The following CNTNAP2 variants were observed in gnomAD, a reference collection of about 807,000 sequenced individuals.
The protein encoded by CNTNAP2 is contactin associated protein 2, also known as contactin-associated protein-like 2.
CNTNAP2 carries 98 observed loss-of-function variants against 155.2 expected under a neutral mutation model. That is an observed-to-expected ratio of 0.63 (90% CI 0.54 to 0.75). The LOEUF is 0.75. Among genes scored for constraint, CNTNAP2 ranks in the 30% least tolerant of loss-of-function variants. CNTNAP2 has a pLI of 0.00. For synonymous variants in CNTNAP2, 651 were observed against 631.2 expected (o/e 1.03, Z -0.47); for missense variants, 1,727 against 1,688.1 (o/e 1.02, Z -0.40).
intron 9 of CNTNAP2, among the ~76,000 whole-genome samples, chr7:147,355,791 A>G (rs1422998962): frequency 6.6e-6 from 1 of 152,072 alleles, no homozygotes. Flanking sequence ...TTGAGGCAGT[A>G]ATTAATCTAC....
intron 15 of CNTNAP2, among the ~76,000 whole-genome samples, chr7:147,997,417 C>T (rs535574244): frequency 2.0e-5 from 3 of 151,862 alleles, no homozygotes; most frequent in Admixed American, 2.0e-4. Flanking sequence ...ATTAGCTGGG[C>T]GTGGTGGCAC....
rs184899090 is a variant in CNTNAP2 at position 146,669,626 on chromosome 7, C to T, written c.98-104645C>T. Among the ~76,000 whole-genome samples the T allele has an allele frequency of 2.2e-3, 332 of 152,076 alleles. 3 individuals carry two copies. Among genetic ancestry groups the T allele is most frequent in the African/African-American group, 7.9e-3 (327 of 41,502 alleles). On this transcript the variant is annotated intron_variant, in intron 1 of 23. Coordinates refer to ENST00000361727, the MANE Select transcript of CNTNAP2 (RefSeq NM_014141.6). ...TTGGTAATTTTGGTTTTTGAACATC[C>T]CGTAGATACCTAAAGGACTCCTTTG...
intron 10 of CNTNAP2, among the ~76,000 whole-genome samples, chr7:147,409,407 A>T (rs1455572457): frequency 1.3e-5 from 2 of 152,172 alleles, no homozygotes; most frequent in Non-Finnish European, 2.9e-5. Flanking sequence ...AACTCAAGAT[A>T]GATTAAAGAA....
chr7:147,690,042 C>T (rs1404472180), intron 13 of CNTNAP2, among the ~76,000 whole-genome samples: 1 of 152,098 alleles, frequency 6.6e-6, no homozygotes. Flanking sequence ...TCCAGTCTCC[C>T]TTCCTTCCTT....
intron 3 of CNTNAP2, among the ~76,000 whole-genome samples, chr7:147,004,056 T>C (rs1027923087): frequency 1.4e-4 from 21 of 151,898 alleles, no homozygotes; most frequent in Non-Finnish European, 2.8e-4. Context: ...TTTAACTTTG[T>C]TTTTGCTTGT....
intron 9 of CNTNAP2, among the ~76,000 whole-genome samples, chr7:147,365,401 A>AAAAAAAAAAAG (rs1796213443): frequency 6.6e-6 from 1 of 150,832 alleles, no homozygotes; most frequent in African/African-American, 2.4e-5. Context: ...AAAAAAAAAA[A>AAAAAAAAAAAG]AAAAAAACAA....
At chr7:146,749,790 A>G (rs2129182333) in intron 1 of CNTNAP2, among the ~76,000 whole-genome samples, 1 of 152,300 alleles carries the variant, frequency 6.6e-6, no homozygotes, top group African/African-American at 2.4e-5. Context: ...TTGTAGTATT[A>G]CCACCTCAAT....
intron 1 of CNTNAP2, among the ~76,000 whole-genome samples, chr7:146,483,473 A>T: frequency 6.7e-6 from 1 of 149,910 alleles, no homozygotes; most frequent in Non-Finnish European, 1.5e-5. Flanking sequence ...TTTCTAACAC[A>T]GGTCTTATTT....
chr7:147,132,366 G>A lies in CNTNAP2; in HGVS notation c.1205G>A (p.Arg402Lys). The change falls in exon 8 of 24, where the codon AGG becomes AAG. Residue 402 changes from arginine (R) to lysine (K), a missense_variant. Physicochemically the swap from Arg to Lys is conservative, Grantham distance 26 (BLOSUM62 2). Transcript: ENST00000361727. ...QDLFSVSFQF[R>K]TWNPNGLLVF... is the part of the protein sequence containing the mutation. ...CTGTTCTCAGTCAGTTTCCAGTTTA[G>A]GACATGGAACCCCAATGGTCTCCTG... The A allele has an allele frequency of 1.9e-6, 3 of 1,613,684 alleles. No individual in the cohort carries two copies. The highest frequency in any genetic ancestry group is 2.5e-6 in the Non-Finnish European group (3 of 1,179,812).
chr7:147,251,491 C>T (rs1804197242), intron 8 of CNTNAP2, among the ~76,000 whole-genome samples: 1 of 152,122 alleles, frequency 6.6e-6, no homozygotes, highest in African/African-American at 2.4e-5. Context: ...ATTGTCTGAC[C>T]TGTGGAGTGA....
At chr7:146,269,821 G>A (rs1800051454) in intron 1 of CNTNAP2, among the ~76,000 whole-genome samples, 1 of 152,212 alleles carries the variant, frequency 6.6e-6, no homozygotes, top group South Asian at 2.1e-4. Context: ...TGGCCAATTG[G>A]CTTCATATTA....
At chr7:147,373,217 T>G (rs187850662) in intron 9 of CNTNAP2, among the ~76,000 whole-genome samples, 15 of 152,184 alleles carry the variant, frequency 9.9e-5, no homozygotes, top group Admixed American at 9.8e-4. Flanking sequence ...AGGTAAAGAA[T>G]TTCCCGTTTT....
intron 21 of CNTNAP2, among the ~76,000 whole-genome samples, chr7:148,301,892 C>T (rs1041397288): frequency 1.3e-5 from 2 of 152,178 alleles, no homozygotes; most frequent in South Asian, 2.1e-4. Context: ...AGTGGATGGA[C>T]GAGACACCTG....
intron 8 of CNTNAP2, among the ~76,000 whole-genome samples, chr7:147,261,545 A>G (rs1290714932): frequency 6.7e-6 from 1 of 149,370 alleles, no homozygotes; most frequent in African/African-American, 2.5e-5. Context: ...TCAAGTGGTA[A>G]GGGATACTTT....
chr7:147,409,650 A>G (rs1451238373), intron 10 of CNTNAP2, among the ~76,000 whole-genome samples: 3 of 152,216 alleles, frequency 2.0e-5, no homozygotes, highest in Non-Finnish European at 4.4e-5. Flanking sequence ...CAAACTATGC[A>G]TCTGACAAAA....
intron 4 of CNTNAP2, among the ~76,000 whole-genome samples, chr7:147,053,366 CT>C (rs1377695366): frequency 6.6e-6 from 1 of 151,920 alleles, no homozygotes; most frequent in African/African-American, 2.4e-5. Context: ...AATTTGTTTA[CT>C]TGGAAGAAAC....
At chr7:146,906,765 G>A (rs1371621604) in intron 3 of CNTNAP2, among the ~76,000 whole-genome samples, 7 of 152,114 alleles carry the variant, frequency 4.6e-5, no homozygotes, top group African/African-American at 1.4e-4. Flanking sequence ...CCAAAGGAAC[G>A]CAGCTCCTCA....
intron 1 of CNTNAP2, among the ~76,000 whole-genome samples, chr7:146,753,897 T>C (rs906956901): frequency 1.3e-5 from 2 of 152,058 alleles, no homozygotes; most frequent in South Asian, 4.1e-4. Context: ...TCTTACTATA[T>C]GAAGATTCAA....
At chr7:147,403,504 T>A (rs1796953346) in intron 10 of CNTNAP2, among the ~76,000 whole-genome samples, 1 of 152,194 alleles carries the variant, frequency 6.6e-6, no homozygotes, top group African/African-American at 2.4e-5. Flanking sequence ...TTCTTGAAGA[T>A]CACACCAACC....
Sources: gnomAD v4.1 joint callset for allele counts (sites outside exome capture counted in the v4.1 genomes callset) on GRCh38, gnomAD v4.1.1 for gene constraint, MANE v1.5 for transcripts, NCBI Gene and HGNC (gene_info 2026-07-23, HGNC 2026-07-21) for gene names.